Variants in MAP1LC3B observed in about 807,000 individuals in gnomAD.
MAP1LC3B encodes the protein microtubule-associated protein 1 light chain 3 beta.
Under a neutral mutation model 16.7 loss-of-function variants are expected in MAP1LC3B, and 12 were observed. The observed-to-expected ratio is 0.72, with a 90% CI of 0.46 to 1.16. The LOEUF (loss-of-function observed/expected upper bound fraction) is 1.16. Ranked by LOEUF, MAP1LC3B falls within the 50% of genes most tolerant of loss-of-function variation. The pLI is 0.00. For synonymous variants in MAP1LC3B, 63 were observed against 56.5 expected (o/e 1.11, Z -0.51); for missense variants, 155 against 159.5 (o/e 0.97, Z 0.15).
chr16:87,401,836 C>CTTT (rs550535300), intron 2 of MAP1LC3B, among the ~76,000 whole-genome samples: 1 of 141,522 alleles, frequency 7.1e-6, no homozygotes, highest in African/African-American at 2.6e-5. Context: ...AGCCTGATGA[C>CTTT]TTTTTTTTTT....
chr16:87,395,161 G>A (rs950286409), intron 1 of MAP1LC3B, among the ~76,000 whole-genome samples: 1 of 152,190 alleles, frequency 6.6e-6, no homozygotes, highest in Non-Finnish European at 1.5e-5. Context: ...TGCAAAGAAC[G>A]TGTTCTTAAA....
chr16:87,397,583 A>C (rs1369993851), intron 1 of MAP1LC3B, among the ~76,000 whole-genome samples: 1 of 152,190 alleles, frequency 6.6e-6, no homozygotes, highest in Non-Finnish European at 1.5e-5. Flanking sequence ...GCAGCACTGC[A>C]CTCCAGCCTG....
At chr16:87,402,488 C>G (rs528236993) in intron 3 of MAP1LC3B, 4 of 583,184 alleles carry the variant, frequency 6.9e-6, no homozygotes, top group African/African-American at 5.6e-5. Context: ...ACTTGCTAGA[C>G]TGCAGAGCCC....
At position 87,402,296 on chromosome 16, in the gene MAP1LC3B, T is replaced by G. The variant is rs117835801; in HGVS notation, c.203+15T>G. 0.014 allele frequency: 22,354 copies of G among 1,607,410 alleles called. 199 individuals are homozygous for G. The highest frequency in any genetic ancestry group is 0.016 in the Non-Finnish European group (18,573 of 1,174,644). ...AAGATAATTAGGTATTCAGTCACCT[T>G]TGTTTCATAATATATTTCCTTTGAG... On this transcript the variant is annotated intron_variant, in intron 3 of 3. Transcript: ENST00000268607.
At chr16:87,395,396 C>A (rs1212931152) in intron 1 of MAP1LC3B, among the ~76,000 whole-genome samples, 2 of 152,218 alleles carry the variant, frequency 1.3e-5, no homozygotes, top group African/African-American at 2.4e-5. Context: ...GAGCTGGGTC[C>A]TTGACTGCCA....
rs1908080122 is a variant in MAP1LC3B, at chr16:87,403,810, C to CGAGTTTCTTAAAAGACCCTGGAGAAA, written c.*718_*743dup. ...AACTTGAATAATTTATAATTTTGAT[C>CGAGTTTCTTAAAAGACCCTGGAGAAA]GAGTTTCTTAAAAGACCCTGGAGAA... On this transcript the variant is annotated 3_prime_UTR_variant, in exon 4 of 4. Coordinates refer to ENST00000268607, the MANE Select transcript of MAP1LC3B (RefSeq NM_022818.5). The CGAGTTTCTTAAAAGACCCTGGAGAAA allele has an allele frequency of 6.6e-6, 1 of 152,156 alleles. No homozygotes were observed. The highest frequency in any genetic ancestry group is 2.4e-5 in the African/African-American group (1 of 41,432). The allele number at this position is 152,156 out of a possible 1,614,324, so 9.4% of individuals were successfully genotyped here. A position where few individuals can be genotyped will look rare whatever the true frequency, so the allele number is the denominator to read the frequency against.
At chr16:87,400,616 T>A (rs1293860135) in intron 2 of MAP1LC3B, among the ~76,000 whole-genome samples, 1 of 152,184 alleles carries the variant, frequency 6.6e-6, no homozygotes, top group Non-Finnish European at 1.5e-5. Context: ...AATTTTTTCA[T>A]GTCAACTAGA....
chr16:87,402,856 T>C (rs1326564566), intron 3 of MAP1LC3B, 67 bp from the exon 4 acceptor site: 3 of 1,585,746 alleles, frequency 1.9e-6, no homozygotes, highest in South Asian at 1.1e-5. Context: ...GTGGGTGATA[T>C]TTTAACACAT....
intron 1 of MAP1LC3B, chr16:87,393,179 C>G (rs1047690661): frequency 2.6e-5 from 4 of 152,438 alleles, no homozygotes; most frequent in African/African-American, 9.6e-5. Context: ...CATCCCTTTT[C>G]TGCCGGTTCA....
chr16:87,395,020 C>A (rs962693483), intron 1 of MAP1LC3B, among the ~76,000 whole-genome samples: 4 of 112,372 alleles, frequency 3.6e-5, no homozygotes, highest in African/African-American at 1.4e-4. Context: ...CCTGGGATTA[C>A]AGGTGTGAGC....
Position 87,404,200 on chromosome 16 carries a change from T to G in MAP1LC3B, c.*1103T>G, listed in dbSNP as rs1220596169. ...GCCGTACGCTCTTTACAGATACTAA[T>G]GTCAAGAGTTAAACCTCCTCAGGTT... On this transcript the variant is annotated 3_prime_UTR_variant, in exon 4 of 4. Coordinates refer to ENST00000268607, the MANE Select transcript of MAP1LC3B (RefSeq NM_022818.5). 1 of 152,184 alleles carries G rather than the reference T, an allele frequency of 6.6e-6. No homozygotes were observed. The allele number at this position is 152,184 out of a possible 1,614,324, so 9.4% of individuals were successfully genotyped here. A position where few individuals can be genotyped will look rare whatever the true frequency, so the allele number is the denominator to read the frequency against.
intron 1 of MAP1LC3B, among the ~76,000 whole-genome samples, chr16:87,396,437 T>G (rs949390284): frequency 6.7e-6 from 1 of 150,204 alleles, no homozygotes; most frequent in African/African-American, 2.5e-5. Flanking sequence ...ATCGCGCCAC[T>G]GCACTCCAGC....
chr16:87,402,124 C>T (rs777155799), intron 2 of MAP1LC3B, 51 bp from the exon 3 acceptor site: 68 of 1,599,354 alleles, frequency 4.3e-5, no homozygotes, highest in East Asian at 2.0e-4. Flanking sequence ...TGTGAGCCAC[C>T]GCGCCTGGCC....
chr16:87,395,937 T>C (rs546839096), intron 1 of MAP1LC3B, among the ~76,000 whole-genome samples: 125 of 139,528 alleles, frequency 9.0e-4, no homozygotes, highest in African/African-American at 3.0e-3. Flanking sequence ...CTCAGCTCAC[T>C]GCAACCTCCG....
intron 2 of MAP1LC3B, among the ~76,000 whole-genome samples, chr16:87,401,065 G>A (rs1004023279): frequency 2.7e-5 from 4 of 149,042 alleles, no homozygotes; most frequent in Non-Finnish European, 5.9e-5. Flanking sequence ...CCCGGGAGTC[G>A]GAGGTTGCAG....
chr16:87,401,055 C>G (rs1907975026), intron 2 of MAP1LC3B, among the ~76,000 whole-genome samples: 1 of 147,256 alleles, frequency 6.8e-6, no homozygotes, highest in African/African-American at 2.5e-5. Context: ...ATTGCTTGAA[C>G]CCGGGAGTCG....
At chr16:87,393,737 ATTTTC>A in intron 1 of MAP1LC3B, among the ~76,000 whole-genome samples, 1 of 151,312 alleles carries the variant, frequency 6.6e-6, no homozygotes, top group East Asian at 1.9e-4. Flanking sequence ...TTAAAGACAG[ATTTTC>A]TTTTCTTTTT....
chr16:87,395,183 T>G (rs1404454682), intron 1 of MAP1LC3B, among the ~76,000 whole-genome samples: 1 of 152,248 alleles, frequency 6.6e-6, no homozygotes, highest in Non-Finnish European at 1.5e-5. Context: ...ATAGGACACC[T>G]TAGGCTCCTA....
chr16:87,402,386 T>G, intron 3 of MAP1LC3B, 105 bp downstream of exon 3: 1 of 1,065,632 alleles, frequency 9.4e-7, no homozygotes, highest in Non-Finnish European at 1.3e-6. Flanking sequence ...CTTTAAAAAA[T>G]ATTTTTCAGC....
Sources: allele counts gnomAD v4.1 joint callset (sites outside exome capture counted in the v4.1 genomes callset), GRCh38; gene constraint gnomAD v4.1.1; transcripts MANE v1.5; gene names NCBI Gene and HGNC (gene_info 2026-07-23, HGNC 2026-07-21).